The following ZSCAN25 variants were observed in gnomAD, a reference collection of about 807,000 sequenced individuals.
The protein encoded by ZSCAN25 is zinc finger and SCAN domain-containing protein 25.
ZSCAN25 carries 27 observed loss-of-function variants against 38.7 expected under a neutral mutation model. That is an observed-to-expected ratio of 0.70 (90% CI 0.51 to 0.96). The LOEUF is 0.96. Among genes scored for constraint, ZSCAN25 ranks in the 40% least tolerant of loss-of-function variants. The probability of loss-of-function intolerance (pLI) is 0.00; values close to 1 mark genes in which losing one functional copy is unlikely to be tolerated. For missense variants in ZSCAN25, 637 were observed against 705.9 expected, an observed-to-expected ratio of 0.90 and a Z score of 1.11; for synonymous variants, 273 against 277.7, an observed-to-expected ratio of 0.98 and a Z score of 0.17.
chr7:99,713,534 T>A, the ZSCAN25 span: 1 of 1,613,376 alleles, frequency 6.2e-7, no homozygotes, highest in Non-Finnish European at 8.5e-7. Context: ...ATCCACTCGG[T>A]GCTAGAAGCA....
chr7:99,692,090 G>C, the ZSCAN25 span, among the ~76,000 whole-genome samples: 3,862 of 152,256 alleles, frequency 0.025, 169 homozygotes, highest in African/African-American at 0.089. Context: ...GGCAGGCCTG[G>C]TGGTGACAAA....
the ZSCAN25 span, chr7:99,660,453 C>T: frequency 2.9e-5 from 45 of 1,533,050 alleles, no homozygotes; most frequent in Non-Finnish European, 3.8e-5. Context: ...GGCATTTTTG[C>T]TAAGGCTTCA....
the ZSCAN25 span, chr7:99,666,779 G>T: frequency 6.2e-7 from 1 of 1,603,368 alleles, no homozygotes; most frequent in South Asian, 1.1e-5. Context: ...AGCAGTAAGT[G>T]ACATTTTGTA....
At chr7:99,676,594 GA>G in the ZSCAN25 span, 8 of 1,339,950 alleles carry the variant, frequency 6.0e-6, no homozygotes, top group East Asian at 4.5e-5. Flanking sequence ...GAAAGAGTAA[GA>G]TTTTTTTTGT....
the ZSCAN25 span, among the ~76,000 whole-genome samples, chr7:99,704,806 A>G: frequency 6.6e-6 from 1 of 152,054 alleles, no homozygotes; most frequent in Non-Finnish European, 1.5e-5. Flanking sequence ...TACTAAAAAT[A>G]GAAAAATTAG....
At chr7:99,720,442 A>C in the ZSCAN25 span, 2 of 1,612,282 alleles carry the variant, frequency 1.2e-6, no homozygotes, top group South Asian at 1.1e-5. Flanking sequence ...TTGATTAAAC[A>C]TCAACAGCCT....
Position 99,631,820 on chromosome 7 carries a change from A to C in ZSCAN25, c.*1800A>C. 1.0e-6 allele frequency: 1 copy of C among 985,356 alleles called. No homozygotes were observed. Among genetic ancestry groups the C allele is most frequent in the Non-Finnish European group, 1.2e-6 (1 of 829,918 alleles). The allele number at this position is 985,356 out of a possible 1,614,324, so 61.0% of individuals were successfully genotyped here. ...CACGAGGCTGCACTGACTGGGTCGTAAATGTATCTGAGATGTCCACACGGG... is the reference window on the plus strand; with the variant it reads ...CACGAGGCTGCACTGACTGGGTCGTCAATGTATCTGAGATGTCCACACGGG... On this transcript the variant is annotated 3_prime_UTR_variant, in exon 8 of 8. Transcript: ENST00000394152.
chr7:99,708,009 A>G, the ZSCAN25 span: 1 of 1,613,468 alleles, frequency 6.2e-7, no homozygotes, highest in Non-Finnish European at 8.5e-7. Context: ...TAAAAGTTAA[A>G]GACATAATAC....
chr7:99,675,036 T>C, the ZSCAN25 span, among the ~76,000 whole-genome samples: 1 of 152,260 alleles, frequency 6.6e-6, no homozygotes, highest in African/African-American at 2.4e-5. Flanking sequence ...TCTAGAACTC[T>C]AGCAGAATTA....
chr7:99,727,152 C>T, the ZSCAN25 span, among the ~76,000 whole-genome samples: 1 of 152,200 alleles, frequency 6.6e-6, no homozygotes, highest in Non-Finnish European at 1.5e-5. Context: ...CTCATCCCAA[C>T]TCTTTTCATT....
chr7:99,691,005 G>A, the ZSCAN25 span, among the ~76,000 whole-genome samples: 1 of 152,162 alleles, frequency 6.6e-6, no homozygotes, highest in Non-Finnish European at 1.5e-5. Flanking sequence ...TATGTTTATT[G>A]TGGCACTATT....
chr7:99,649,566 G>A, the ZSCAN25 span, among the ~76,000 whole-genome samples: 2 of 152,050 alleles, frequency 1.3e-5, no homozygotes, highest in Non-Finnish European at 2.9e-5. Context: ...ACTAATCAGG[G>A]GTTCACCCGA....
At chr7:99,648,423 T>A in the ZSCAN25 span, 1 of 1,561,866 alleles carries the variant, frequency 6.4e-7, no homozygotes, top group East Asian at 2.3e-5. Flanking sequence ...AACAAGCATA[T>A]GGAGAATTAA....
chr7:99,654,314 G>A, the ZSCAN25 span, among the ~76,000 whole-genome samples: 20 of 151,914 alleles, frequency 1.3e-4, no homozygotes, highest in African/African-American at 4.1e-4. Flanking sequence ...TCCCACCTAC[G>A]AGTGAGAACA....
At chr7:99,685,330 G>C in the ZSCAN25 span, 1 of 1,501,576 alleles carries the variant, frequency 6.7e-7, no homozygotes. Context: ...TGCTGACTAT[G>C]CACATAGTTT....
At chr7:99,720,989 G>A in the ZSCAN25 span, 1 of 154,190 alleles carries the variant, frequency 6.5e-6, no homozygotes, top group Non-Finnish European at 1.4e-5. Context: ...GATGAGAGAA[G>A]ATGAAATACA....
At chr7:99,634,050 A>C (rs923798575), downstream of ZSCAN25, among the ~76,000 whole-genome samples, 1 of 152,194 alleles carries the variant, frequency 6.6e-6, no homozygotes, top group Non-Finnish European at 1.5e-5. Flanking sequence ...TTTGTATGAC[A>C]AGGCATCTGT....
the ZSCAN25 span, chr7:99,715,963 T>C: frequency 1.9e-6 from 3 of 1,611,674 alleles, no homozygotes; most frequent in African/African-American, 1.3e-5. Flanking sequence ...ATCCTTCCTC[T>C]ATGCGTGCAG....
chr7:99,660,622 G>T, the ZSCAN25 span: 3 of 1,613,872 alleles, frequency 1.9e-6, no homozygotes, highest in African/African-American at 4.0e-5. Flanking sequence ...CAAAAATGAA[G>T]ATTATTGACT....
Sources: gnomAD v4.1 joint callset for allele counts (sites outside exome capture counted in the v4.1 genomes callset) on GRCh38, gnomAD v4.1.1 for gene constraint, MANE v1.5 for transcripts, NCBI Gene and HGNC (gene_info 2026-07-23, HGNC 2026-07-21) for gene names.